Variants in PRKN observed in about 807,000 individuals in gnomAD.
PRKN encodes the protein parkin RBR E3 ubiquitin protein ligase, also known as E3 ubiquitin-protein ligase parkin.
Under a neutral mutation model 59.5 loss-of-function variants are expected in PRKN, and 56 were observed. The ratio of observed to expected loss-of-function variants is 0.94; its 90% CI spans 0.76 to 1.18. The LOEUF (loss-of-function observed/expected upper bound fraction) is 1.18, where lower values mean the gene tolerates loss of function less well. Ranked by LOEUF, PRKN falls within the 50% of genes most tolerant of loss-of-function variation. The pLI, the probability that PRKN is intolerant of heterozygous loss-of-function variation, is 0.00. For synonymous variants in PRKN, 250 were observed against 222.1 expected (o/e 1.13, Z -1.12); for missense variants, 657 against 596.4 (o/e 1.10, Z -1.06).
Position 161,538,346 on chromosome 6 carries a change from A to T in PRKN, c.1083+10508T>A, listed in dbSNP as rs528413591. On this transcript the variant is annotated intron_variant, in intron 9 of 11. Transcript: ENST00000366898. The surrounding 1 kb of genome is among the most constrained non-coding windows in gnomAD (Gnocchi z 4.2). ...CTTGATATTTTTCTTCTCCTTGAAA[A>T]AAATTCTTAAATAAATTGGACTTTA... is the stretch of plus-strand genomic sequence containing the variant. 1.3e-5 allele frequency among the ~76,000 whole-genome samples: 2 copies of T among 152,170 alleles called. No homozygotes were observed. The highest frequency in any genetic ancestry group is 2.9e-5 in the Non-Finnish European group (2 of 68,016).
chr6:162,094,806 T>C (rs1208072312), intron 4 of PRKN, among the ~76,000 whole-genome samples: 1 of 152,232 alleles, frequency 6.6e-6, no homozygotes, highest in East Asian at 1.9e-4. Flanking sequence ...AAATAAACTA[T>C]GTAAATTTAG....
intron 4 of PRKN, among the ~76,000 whole-genome samples, chr6:162,139,901 A>C (rs1781707196): frequency 6.6e-6 from 1 of 152,046 alleles, no homozygotes; most frequent in Non-Finnish European, 1.5e-5. Flanking sequence ...AAAAAAAAAA[A>C]AAAATTATGA....
chr6:162,008,231 C>T (rs183338146), intron 5 of PRKN, among the ~76,000 whole-genome samples: 15 of 152,292 alleles, frequency 9.8e-5, no homozygotes, highest in Admixed American at 6.5e-4. Context: ...GAACATTTGG[C>T]ACCAGATAGT....
At chr6:162,508,992 T>G (rs1476889790) in intron 1 of PRKN, among the ~76,000 whole-genome samples, 1 of 152,144 alleles carries the variant, frequency 6.6e-6, no homozygotes, top group Non-Finnish European at 1.5e-5. Context: ...TGAGCACAAA[T>G]CCATTATCAA....
At chr6:161,786,446 T>G (rs1170893433) in intron 6 of PRKN, among the ~76,000 whole-genome samples, 1 of 152,118 alleles carries the variant, frequency 6.6e-6, no homozygotes, top group African/African-American at 2.4e-5. Flanking sequence ...CAAAGTATTT[T>G]AAGGGAATCA....
intron 3 of PRKN, among the ~76,000 whole-genome samples, chr6:162,219,122 T>A (rs1198505813): frequency 1.3e-5 from 2 of 152,080 alleles, no homozygotes; most frequent in Non-Finnish European, 2.9e-5. Flanking sequence ...ACCCAGTAGG[T>A]CAAGGCTACG....
rs1783102785 is a variant in PRKN, at chr6:162,020,442, T to C, written c.618+33649A>G. ...GATATGAATGTTTTTCTAGATATTC[T>C]TTTGTACATGATACTGAAAATATTT... On this transcript the variant is annotated intron_variant, in intron 5 of 11. Coordinates refer to ENST00000366898, the MANE Select transcript of PRKN (RefSeq NM_004562.3). 2.0e-5 allele frequency among the ~76,000 whole-genome samples: 3 copies of C among 152,056 alleles called. No homozygotes were observed. In the South Asian group the frequency reaches 6.2e-4, roughly 32 times the overall value.
intron 7 of PRKN, among the ~76,000 whole-genome samples, chr6:161,675,667 T>G (rs1441887320): frequency 6.6e-6 from 1 of 152,186 alleles, no homozygotes; most frequent in East Asian, 1.9e-4. Context: ...CTTTTTCTCC[T>G]CATTATATTC....
chr6:161,707,623 A>G (rs1786559425), intron 7 of PRKN, among the ~76,000 whole-genome samples: 1 of 152,248 alleles, frequency 6.6e-6, no homozygotes, highest in Admixed American at 6.5e-5. Context: ...TCTTAGTAGT[A>G]TCATTGAAAT....
chr6:162,169,261 T>C (rs1015080989), intron 4 of PRKN, among the ~76,000 whole-genome samples: 2 of 152,250 alleles, frequency 1.3e-5, no homozygotes, highest in African/African-American at 4.8e-5. Flanking sequence ...CGTGTTTTAT[T>C]AGCTGAGGGA....
intron 2 of PRKN, among the ~76,000 whole-genome samples, chr6:162,271,753 T>G (rs1780403015): frequency 6.6e-6 from 1 of 152,148 alleles, no homozygotes; most frequent in Non-Finnish European, 1.5e-5. Context: ...CAATGAACAC[T>G]AAATGCCAAT....
At chr6:162,034,439 A>C (rs1783763538) in intron 5 of PRKN, among the ~76,000 whole-genome samples, 1 of 152,114 alleles carries the variant, frequency 6.6e-6, no homozygotes, top group Admixed American at 6.6e-5. Flanking sequence ...TGTCTTCATA[A>C]ATTGATCCAC....
At chr6:162,343,080 AC>A (rs1161013668) in intron 2 of PRKN, among the ~76,000 whole-genome samples, 2 of 152,138 alleles carry the variant, frequency 1.3e-5, no homozygotes, top group Admixed American at 6.5e-5. Flanking sequence ...CAATAGGAAA[AC>A]CTGTTATATA....
intron 2 of PRKN, among the ~76,000 whole-genome samples, chr6:162,308,177 C>A (rs1373131836): frequency 6.6e-6 from 1 of 152,284 alleles, no homozygotes; most frequent in East Asian, 1.9e-4. Context: ...TCAGGAAACA[C>A]CTTTCAAATC....
At chr6:162,490,952 G>A (rs1409424392) in intron 1 of PRKN, among the ~76,000 whole-genome samples, 2 of 152,114 alleles carry the variant, frequency 1.3e-5, no homozygotes, top group African/African-American at 2.4e-5. Context: ...TGGCCAACAT[G>A]GCAAAACCTG....
intron 7 of PRKN, among the ~76,000 whole-genome samples, chr6:161,594,843 AGAAAATAAG>A (rs1215981578): frequency 5.3e-5 from 8 of 152,262 alleles, no homozygotes; most frequent in Admixed American, 3.9e-4. Context: ...AAGTGAAACA[AGAAAATAAG>A]GAAACAAGTG....
intron 10 of PRKN, among the ~76,000 whole-genome samples, chr6:161,381,529 A>T (rs1394306007): frequency 6.6e-6 from 1 of 152,232 alleles, no homozygotes; most frequent in African/African-American, 2.4e-5. Context: ...ATTTATCCCA[A>T]GCAAATGGTG....
At chr6:161,885,654 G>A (rs1442321852) in intron 6 of PRKN, among the ~76,000 whole-genome samples, 1 of 122,482 alleles carries the variant, frequency 8.2e-6, no homozygotes, top group East Asian at 2.4e-4. Flanking sequence ...GACAGAGCGA[G>A]ACTCTGTCTC....
At chr6:162,197,327 T>C (rs938094553) in intron 4 of PRKN, among the ~76,000 whole-genome samples, 3 of 152,216 alleles carry the variant, frequency 2.0e-5, no homozygotes, top group African/African-American at 7.2e-5. Flanking sequence ...ACTGAATGTG[T>C]ATTTTTGTTA....
Sources: gnomAD v4.1 joint callset for allele counts (sites outside exome capture counted in the v4.1 genomes callset) on GRCh38, gnomAD v4.1.1 for gene constraint, Gnocchi (gnomAD v3.1) non-coding constraint, MANE v1.5 for transcripts, NCBI Gene and HGNC (gene_info 2026-07-23, HGNC 2026-07-21) for gene names.